DAB2IP: variants seen among roughly 807,000 people sequenced by gnomAD.
The protein encoded by DAB2IP is disabled homolog 2-interacting protein.
DAB2IP carries 28 observed loss-of-function variants against 107.2 expected under a neutral mutation model. That is an observed-to-expected ratio of 0.26 (90% CI 0.19 to 0.36). DAB2IP has a LOEUF of 0.36. Among genes scored for constraint, DAB2IP ranks in the 10% least tolerant of loss-of-function variants. The pLI is 1.00. For missense variants in DAB2IP, 1,400 were observed against 1,644.7 expected (o/e 0.85, Z 2.57); for synonymous variants, 755 against 706.4 (o/e 1.07, Z -1.09).
intron 1 of DAB2IP, among the ~76,000 whole-genome samples, chr9:121,658,093 G>A (rs1328134368): frequency 6.6e-6 from 1 of 152,216 alleles, no homozygotes; most frequent in African/African-American, 2.4e-5. Flanking sequence ...TGGGTCTTCT[G>A]CGGGGAGAGA....
At chr9:121,612,270 G>A (rs1355844586) in intron 1 of DAB2IP, among the ~76,000 whole-genome samples, 2 of 152,024 alleles carry the variant, frequency 1.3e-5, no homozygotes, top group Admixed American at 6.6e-5. Context: ...GCAGCGAGCC[G>A]GAGCCGTGAT....
intron 8 of DAB2IP, among the ~76,000 whole-genome samples, 181 bp from the exon 9 acceptor site, chr9:121,766,313 C>T (rs560341870): frequency 1.3e-5 from 2 of 152,354 alleles, no homozygotes; most frequent in South Asian, 4.1e-4. Flanking sequence ...GGCACTTGCT[C>T]CAGCCACCCT....
exon 7 of DAB2IP, chr9:121,763,526 A>G (rs1328732005): frequency 3.1e-6 from 5 of 1,613,598 alleles, no homozygotes; most frequent in Non-Finnish European, 4.2e-6. Flanking sequence ...AGACCTGATG[A>G]TGTCAGAGGT....
intron 1 of DAB2IP, among the ~76,000 whole-genome samples, chr9:121,581,647 C>T (rs1297395083): frequency 6.6e-6 from 1 of 152,218 alleles, no homozygotes; most frequent in Non-Finnish European, 1.5e-5. Context: ...TCAAAGCCTG[C>T]GTGCTTCCCA....
intron 1 of DAB2IP, among the ~76,000 whole-genome samples, chr9:121,624,055 A>C (rs1054291600): frequency 6.6e-6 from 1 of 151,964 alleles, no homozygotes; most frequent in Admixed American, 6.6e-5. Context: ...CGCAGTTCCC[A>C]CCCCTCAGCC....
chr9:121,572,142 G>T (rs656580), intron 1 of DAB2IP, among the ~76,000 whole-genome samples: 46,048 of 152,014 alleles, frequency 0.3, 7,687 homozygotes, highest in African/African-American at 0.4. Flanking sequence ...AAAAAGTCCT[G>T]CCCTGCAAAA....
intron 5 of DAB2IP, among the ~76,000 whole-genome samples, chr9:121,759,330 G>A (rs1833720097): frequency 6.6e-6 from 1 of 152,134 alleles, no homozygotes; most frequent in East Asian, 1.9e-4. Flanking sequence ...TTCCACCTTA[G>A]ATGTCTGCCC....
chr9:121,768,737 G>C (rs148182459), intron 10 of DAB2IP, 104 bp downstream of exon 10: 1 of 1,415,684 alleles, frequency 7.1e-7, no homozygotes, highest in East Asian at 2.4e-5. Flanking sequence ...TGCCCAAGTG[G>C]CATGATCAGG....
chr9:121,668,300 C>T (rs1229404794), intron 1 of DAB2IP, among the ~76,000 whole-genome samples: 5 of 151,954 alleles, frequency 3.3e-5, no homozygotes, highest in East Asian at 3.9e-4. Flanking sequence ...TCAAGTGGCA[C>T]GATCTCCACT....
At chr9:121,581,731 A>G (rs1483594941) in intron 1 of DAB2IP, among the ~76,000 whole-genome samples, 1 of 152,110 alleles carries the variant, frequency 6.6e-6, no homozygotes, top group Non-Finnish European at 1.5e-5. Flanking sequence ...GAGGCAGGAG[A>G]GGCTGTGTGA....
intron 2 of DAB2IP, among the ~76,000 whole-genome samples, chr9:121,686,519 C>A (rs1031131206): frequency 6.6e-6 from 1 of 152,228 alleles, no homozygotes; most frequent in Non-Finnish European, 1.5e-5. Context: ...CAGTAACTGG[C>A]GAGTGGAATG....
At chr9:121,571,057 TC>T (rs915282147) in intron 1 of DAB2IP, among the ~76,000 whole-genome samples, 3 of 151,892 alleles carry the variant, frequency 2.0e-5, no homozygotes, top group Non-Finnish European at 2.9e-5. Context: ...CCAAGCTGTC[TC>T]CCCCCAGGGC....
chr9:121,646,124 C>T (rs1365912743), intron 1 of DAB2IP, among the ~76,000 whole-genome samples: 1 of 152,212 alleles, frequency 6.6e-6, no homozygotes, highest in Admixed American at 6.5e-5. Flanking sequence ...TGGTCCCCCA[C>T]TTCCGCCTGT....
exon 12 of DAB2IP, chr9:121,773,019 C>G (rs765892347): frequency 6.2e-7 from 1 of 1,612,210 alleles, no homozygotes; most frequent in African/African-American, 1.3e-5. Context: ...CTTCCAGAAC[C>G]CTGTGTACCA....
chr9:121,586,709 A>G (rs972714312), intron 1 of DAB2IP, among the ~76,000 whole-genome samples: 1 of 152,080 alleles, frequency 6.6e-6, no homozygotes, highest in African/African-American at 2.4e-5. Context: ...AGTCCCAGCT[A>G]CTTGGGAGTC....
At chr9:121,571,018 C>T (rs1057136621) in intron 1 of DAB2IP, among the ~76,000 whole-genome samples, 4 of 152,024 alleles carry the variant, frequency 2.6e-5, no homozygotes, top group African/African-American at 9.7e-5. Context: ...CCTCGCTTCC[C>T]GCCATCAGAT....
At position 121,699,047 on chromosome 9, in the gene DAB2IP, G is replaced by T. The variant is rs952936944; in HGVS notation, c.229-278G>T. ...GGCTCGGGCAGCCTCGGCCGCGGTC[G>T]GCGCGGCTCGGCTCGGCGTCGCCAA... On this transcript the variant is annotated intron_variant, in intron 2 of 15. Coordinates refer to ENST00000408936, the Ensembl canonical transcript of DAB2IP. This position sits in a 1 kb window ranked among gnomAD's most constrained non-coding sequence, Gnocchi z 6.2. Among the ~76,000 whole-genome samples, 1 of 150,332 alleles carries T rather than the reference G, an allele frequency of 6.7e-6. No homozygotes were observed. Among genetic ancestry groups the T allele is most frequent in the Non-Finnish European group, 1.5e-5 (1 of 67,430 alleles).
At chr9:121,748,511 A>G (rs1832874906) in intron 3 of DAB2IP, among the ~76,000 whole-genome samples, 1 of 152,156 alleles carries the variant, frequency 6.6e-6, no homozygotes, top group African/African-American at 2.4e-5. Flanking sequence ...TTTTGGATTA[A>G]CTGGCTCATG....
chr9:121,759,896 G>A, exon 6 of DAB2IP: 4 of 1,613,068 alleles, frequency 2.5e-6, no homozygotes, highest in Non-Finnish European at 3.4e-6. Context: ...ACAACAGCCG[G>A]CGTGTGGAGC....
Sources: allele counts gnomAD v4.1 joint callset (sites outside exome capture counted in the v4.1 genomes callset), GRCh38; gene constraint gnomAD v4.1.1; non-coding constraint Gnocchi (gnomAD v3.1); transcripts MANE v1.5; gene names NCBI Gene and HGNC (gene_info 2026-07-23, HGNC 2026-07-21).